FHIT: variants seen among roughly 807,000 people sequenced by gnomAD.
The protein encoded by FHIT is fragile histidine triad diadenosine triphosphatase, also known as bis(5'-adenosyl)-triphosphatase.
A neutral mutation model predicts 17.9 loss-of-function variants in FHIT; 19 were observed. That is an observed-to-expected ratio of 1.06 (90% CI 0.74 to 1.56). The LOEUF (loss-of-function observed/expected upper bound fraction) is 1.56. Ranked by LOEUF, FHIT falls within the 40% of genes most tolerant of loss-of-function variation. The pLI, the probability that FHIT is intolerant of heterozygous loss-of-function variation, is 0.00. For synonymous variants in FHIT, 81 were observed against 69.7 expected, an observed-to-expected ratio of 1.16 and a Z score of -0.81; for missense variants, 248 against 189.2, an observed-to-expected ratio of 1.31 and a Z score of -1.82.
intron 4 of FHIT, among the ~76,000 whole-genome samples, chr3:60,566,223 T>C (rs1459295874): frequency 6.6e-6 from 1 of 152,154 alleles, no homozygotes; most frequent in East Asian, 1.9e-4. Flanking sequence ...CTGAGAAGAA[T>C]GTATATTCTG....
chr3:61,175,228 T>C (rs2038122885), intron 2 of FHIT, among the ~76,000 whole-genome samples: 1 of 152,024 alleles, frequency 6.6e-6, no homozygotes, highest in Non-Finnish European at 1.5e-5. Flanking sequence ...CCAAAAATAA[T>C]TAACAGTAGT....
At chr3:60,974,024 C>G (rs2107535425) in intron 3 of FHIT, among the ~76,000 whole-genome samples, 1 of 152,252 alleles carries the variant, frequency 6.6e-6, no homozygotes, top group African/African-American at 2.4e-5. Flanking sequence ...GACGCTTGTT[C>G]AAAATCATGC....
chr3:60,664,607 G>C (rs1354196949), intron 4 of FHIT, among the ~76,000 whole-genome samples: 1 of 151,294 alleles, frequency 6.6e-6, no homozygotes, highest in Non-Finnish European at 1.5e-5. Context: ...TGTAGTCCTA[G>C]AGATTTCTTT....
intron 3 of FHIT, among the ~76,000 whole-genome samples, chr3:60,899,823 G>A (rs782053965): frequency 6.6e-6 from 1 of 152,164 alleles, no homozygotes; most frequent in Non-Finnish European, 1.5e-5. Context: ...CTGGGCTTAT[G>A]GGGATGGAAT....
chr3:60,321,660 T>C (rs1452479221), intron 5 of FHIT, among the ~76,000 whole-genome samples: 2 of 152,226 alleles, frequency 1.3e-5, no homozygotes, highest in Admixed American at 6.5e-5. Context: ...ATTTAAAATA[T>C]GATTTCTGTC....
intron 5 of FHIT, among the ~76,000 whole-genome samples, chr3:60,180,517 AT>A (rs1701882713): frequency 6.6e-6 from 1 of 152,094 alleles, no homozygotes; most frequent in Non-Finnish European, 1.5e-5. Flanking sequence ...GCCAAAGACT[AT>A]TTTTCTAGTC....
intron 5 of FHIT, among the ~76,000 whole-genome samples, chr3:60,180,514 A>T (rs1459228115): frequency 6.6e-6 from 1 of 152,148 alleles, no homozygotes; most frequent in African/African-American, 2.4e-5. Flanking sequence ...TCTGCCAAAG[A>T]CTATTTTTCT....
chr3:61,059,818 C>T (rs1256575176), intron 2 of FHIT, among the ~76,000 whole-genome samples: 1 of 152,216 alleles, frequency 6.6e-6, no homozygotes, highest in East Asian at 1.9e-4. Flanking sequence ...GGTTATAACA[C>T]CGACAGAAAA....
chr3:60,187,727 T>C (rs902845492), intron 5 of FHIT, among the ~76,000 whole-genome samples: 2 of 152,180 alleles, frequency 1.3e-5, no homozygotes, highest in Non-Finnish European at 2.9e-5. Flanking sequence ...TAATGCACTC[T>C]AGTCCAGGTT....
intron 5 of FHIT, among the ~76,000 whole-genome samples, chr3:60,185,357 A>G (rs1702114678): frequency 1.3e-5 from 2 of 152,162 alleles, no homozygotes; most frequent in Non-Finnish European, 2.9e-5. Flanking sequence ...CCAGAAAGTT[A>G]ATAAAGTTGC....
intron 8 of FHIT, among the ~76,000 whole-genome samples, chr3:59,803,482 G>A (rs141532974): frequency 8.5e-5 from 13 of 152,312 alleles, no homozygotes; most frequent in Non-Finnish European, 1.8e-4. Flanking sequence ...TGATTTGGCG[G>A]CAGCACGGGT....
intron 4 of FHIT, among the ~76,000 whole-genome samples, chr3:60,745,347 T>C (rs1177163289): frequency 6.6e-6 from 1 of 152,140 alleles, no homozygotes; most frequent in African/African-American, 2.4e-5. Context: ...GGCTGAGCAG[T>C]AAACATAAGG....
chr3:60,509,809 C>T lies in FHIT; in HGVS notation c.103+27051G>A, dbSNP rs559417796. The stretch of plus-strand genomic sequence containing the variant: ...AAAACTACCCAATAAGTCTCTTTAA[C>T]GTTATGGATATAGTCTTTCTAAGGA... On this transcript the variant is annotated intron_variant, in intron 5 of 9. Transcript: ENST00000492590. Among the ~76,000 whole-genome samples, 155 of 152,252 alleles carry T rather than the reference C, an allele frequency of 1.0e-3. 1 individual carries two copies. Among genetic ancestry groups the T allele is most frequent in the East Asian group, 9.6e-4 (5 of 5,186 alleles).
At chr3:59,795,879 G>C (rs566016731) in intron 8 of FHIT, among the ~76,000 whole-genome samples, 2 of 152,158 alleles carry the variant, frequency 1.3e-5, no homozygotes, top group African/African-American at 4.8e-5. Context: ...CTTATGTACC[G>C]GTCTCCTTGC....
chr3:59,995,402 T>C (rs906355655), intron 7 of FHIT, among the ~76,000 whole-genome samples: 4 of 152,192 alleles, frequency 2.6e-5, no homozygotes, highest in South Asian at 4.2e-4. Context: ...ACTTAGTCTC[T>C]TGAGGAGGTA....
intron 3 of FHIT, among the ~76,000 whole-genome samples, chr3:60,859,723 A>ATTTATTT (rs1703547454): frequency 1.9e-5 from 1 of 51,886 alleles, no homozygotes; most frequent in Non-Finnish European, 3.4e-5. Context: ...TCTGAATACG[A>ATTTATTT]TTTTTTTTTT....
intron 2 of FHIT, among the ~76,000 whole-genome samples, chr3:61,084,158 A>G (rs1250221363): frequency 6.6e-6 from 1 of 152,190 alleles, no homozygotes; most frequent in Non-Finnish European, 1.5e-5. Flanking sequence ...AGCACTATTT[A>G]ATGAAAAGAT....
intron 2 of FHIT, among the ~76,000 whole-genome samples, chr3:61,059,558 A>C (rs937401452): frequency 7.9e-5 from 12 of 152,132 alleles, no homozygotes; most frequent in Non-Finnish European, 1.8e-4. Context: ...ATTTGTAAAT[A>C]ATGGCCACAT....
At chr3:59,872,263 T>C (rs1056785568) in intron 8 of FHIT, among the ~76,000 whole-genome samples, 3 of 152,142 alleles carry the variant, frequency 2.0e-5, no homozygotes, top group Non-Finnish European at 4.4e-5. Context: ...GATTAGCAGA[T>C]AAAAGGTGCT....
Sources: gnomAD v4.1 joint callset for allele counts (sites outside exome capture counted in the v4.1 genomes callset) on GRCh38, gnomAD v4.1.1 for gene constraint, MANE v1.5 for transcripts, NCBI Gene and HGNC (gene_info 2026-07-23, HGNC 2026-07-21) for gene names.